DNAJC16: variants seen among roughly 807,000 people sequenced by gnomAD.
The protein encoded by DNAJC16 is DnaJ heat shock protein family (Hsp40) member C16.
In DNAJC16, 76 loss-of-function variants were observed where a neutral mutation model predicts 92.7. That is an observed-to-expected ratio of 0.82 (90% CI 0.68 to 0.99). The LOEUF is 0.99. DNAJC16 is among the 50% of genes least tolerant of loss of function. The pLI, the probability that DNAJC16 is intolerant of heterozygous loss-of-function variation, is 0.00. For synonymous variants in DNAJC16, 328 were observed against 358.7 expected, an observed-to-expected ratio of 0.91 and a Z score of 0.97; for missense variants, 869 against 942.4, an observed-to-expected ratio of 0.92 and a Z score of 1.02.
At chr1:15,548,713 TAAG>T (rs929417232) in intron 7 of DNAJC16, among the ~76,000 whole-genome samples, 6 of 152,114 alleles carry the variant, frequency 3.9e-5, no homozygotes, top group Non-Finnish European at 8.8e-5. Context: ...TAAAAAGGAA[TAAG>T]AAGAAGCCAC....
At chr1:15,538,559 A>C (rs1178479554) in intron 4 of DNAJC16, among the ~76,000 whole-genome samples, 4 of 151,764 alleles carry the variant, frequency 2.6e-5, no homozygotes, top group African/African-American at 9.7e-5. Context: ...CTCTAGTAAA[A>C]ATACAAAATT....
At chr1:15,541,316 T>C (rs1356116409) in intron 4 of DNAJC16, among the ~76,000 whole-genome samples, 2 of 152,230 alleles carry the variant, frequency 1.3e-5, no homozygotes, top group African/African-American at 4.8e-5. Context: ...CTTCCATTTA[T>C]TGACATTGTT....
chr1:15,562,232 C>T lies in DNAJC16; in HGVS notation c.1245C>T (p.Asp415=). 3.1e-6 allele frequency: 5 copies of T among 1,614,138 alleles called. No homozygotes were observed. The highest frequency in any genetic ancestry group is 4.2e-6 in the Non-Finnish European group (5 of 1,179,988). The part of the protein sequence containing the change: ...FLSFALANTQ[D]TVRFVHVYSN... Reference sequence around the variant, plus strand: ...CCTTTGCCCTGGCAAACACTCAAGACACAGTGAGATTTGTGCATGTCTACA... The same window carrying T: ...CCTTTGCCCTGGCAAACACTCAAGATACAGTGAGATTTGTGCATGTCTACA... Residue 415 remains aspartate (D), a synonymous_variant, in exon 9 of 15, where the codon GAC becomes GAT. Transcript: ENST00000375847.
At chr1:15,564,416 T>C (rs1011380786) in intron 11 of DNAJC16, 57 bp downstream of exon 11, 2 of 1,132,796 alleles carry the variant, frequency 1.8e-6, no homozygotes, top group Non-Finnish European at 2.7e-6. Context: ...TATCACTGTT[T>C]TTCTTTTGAA....
At chr1:15,560,903 G>A (rs572385959) in intron 8 of DNAJC16, among the ~76,000 whole-genome samples, 8 of 151,794 alleles carry the variant, frequency 5.3e-5, no homozygotes, top group Non-Finnish European at 7.4e-5. Flanking sequence ...ATGTCCACAC[G>A]TCAGCCAATA....
intron 3 of DNAJC16, 33 bp downstream of exon 3, chr1:15,534,336 G>A: frequency 6.2e-7 from 1 of 1,608,316 alleles, no homozygotes; most frequent in Non-Finnish European, 8.5e-7. Flanking sequence ...GCATCCATTA[G>A]CTCTTACAAA....
intron 7 of DNAJC16, among the ~76,000 whole-genome samples, chr1:15,556,392 A>G (rs978636215): frequency 6.6e-6 from 1 of 152,040 alleles, no homozygotes; most frequent in Non-Finnish European, 1.5e-5. Flanking sequence ...ATGCACCGCA[A>G]TGCCCCGCTA....
At chr1:15,551,410 C>T (rs746027057) in intron 7 of DNAJC16, among the ~76,000 whole-genome samples, 2 of 152,204 alleles carry the variant, frequency 1.3e-5, no homozygotes, top group South Asian at 2.1e-4. Flanking sequence ...TATTTAGACT[C>T]GGGAATTTGG....
At chr1:15,543,449 G>A (rs1710981941) in intron 4 of DNAJC16, among the ~76,000 whole-genome samples, 2 of 152,244 alleles carry the variant, frequency 1.3e-5, no homozygotes, top group African/African-American at 4.8e-5. Context: ...GGCGCAGGCT[G>A]TTGGAGGAGT....
rs1410418339 is a variant in DNAJC16 at position 15,569,072 on chromosome 1, A to G, written c.*895A>G. The G allele has an allele frequency of 1.1e-5, 2 of 182,500 alleles. No individual in the cohort carries two copies. The highest frequency in any genetic ancestry group is 1.4e-4 in the East Asian group (1 of 7,258). The allele number at this position is 182,500 out of a possible 1,614,324, so 11.3% of individuals were successfully genotyped here. A position where few individuals can be genotyped will look rare whatever the true frequency, so the allele number is the denominator to read the frequency against. On this transcript the variant is annotated 3_prime_UTR_variant, in exon 15 of 15. Transcript: ENST00000375847. Reference sequence around the variant, plus strand: ...TCTCTGAACGTAGAGATAAGCTGCTATAAAGCCAGTAGATGTTAAACTGAA... The same window carrying G: ...TCTCTGAACGTAGAGATAAGCTGCTGTAAAGCCAGTAGATGTTAAACTGAA...
chr1:15,554,569 T>G (rs759266196), intron 7 of DNAJC16, among the ~76,000 whole-genome samples: 1 of 152,244 alleles, frequency 6.6e-6, no homozygotes, highest in Non-Finnish European at 1.5e-5. Flanking sequence ...CTCCTCACTT[T>G]GTTTTTTAGA....
Position 15,567,190 on chromosome 1 carries a change from AATGTGGTCCTCAT to A in DNAJC16, c.1871_1883del (p.Asn624ThrfsTer32). On this transcript the variant is annotated frameshift_variant, in exon 14 of 15. Transcript: ENST00000375847. LOFTEE classifies it high-confidence loss of function. ...GGTACGTCTGAGGCCAGGCCACATG[AATGTGGTCCTCAT>A]CCTGTCGAATTCTACCAAGACCAGC... is the stretch of plus-strand genomic sequence containing the variant. The A allele has an allele frequency of 6.2e-7, 1 of 1,614,068 alleles. No individual in the cohort carries two copies. The highest frequency in any genetic ancestry group is 8.5e-7 in the Non-Finnish European group (1 of 1,179,916).
At position 15,566,047 on chromosome 1, in the gene DNAJC16, A is replaced by G. The variant is rs6429751; in HGVS notation, c.1680-35A>G. 217 of 1,612,552 alleles carry G rather than the reference A, an allele frequency of 1.3e-4. No homozygotes were observed. The African/African-American group carries it at 2.5e-3, about 18-fold the overall frequency. ...GTGCACCACCATGGTTGGTGTTGAC[A>G]CTTTTTTTGTAAAACTCCTTTTTTC... On this transcript the variant is annotated intron_variant, in intron 12 of 14. Transcript: ENST00000375847.
intron 4 of DNAJC16, among the ~76,000 whole-genome samples, chr1:15,539,741 A>T (rs919384550): frequency 6.6e-6 from 1 of 151,406 alleles, no homozygotes; most frequent in South Asian, 2.1e-4. Context: ...AAAATACCAC[A>T]AATTGGCCAG....
intron 6 of DNAJC16, among the ~76,000 whole-genome samples, chr1:15,547,444 CT>C (rs761443115): frequency 2.0e-3 from 267 of 135,678 alleles, no homozygotes; most frequent in Middle Eastern, 7.9e-3. Context: ...CTGTGATGGG[CT>C]TTTTTTTTTT....
At chr1:15,550,155 G>A (rs1228507426) in intron 7 of DNAJC16, among the ~76,000 whole-genome samples, 4 of 152,192 alleles carry the variant, frequency 2.6e-5, no homozygotes, top group Non-Finnish European at 5.9e-5. Flanking sequence ...TGATGGAGAC[G>A]AGAAGGTGCT....
rs1001423399 is a variant in DNAJC16 at position 15,567,005 on chromosome 1, T to C, written c.1779-94T>C. On this transcript the variant is annotated intron_variant, in intron 13 of 14. Coordinates refer to ENST00000375847, the MANE Select transcript of DNAJC16 (RefSeq NM_015291.4). The stretch of plus-strand genomic sequence containing the variant: ...TAGTGAATAACATACCTAGTCTGGT[T>C]AGAACATAGCATTTTCTTTCAGCTG... The C allele has an allele frequency of 2.4e-6, 3 of 1,226,288 alleles. No individual in the cohort carries two copies. The Admixed American group carries it at 5.8e-5, about 24-fold the overall frequency. 76.0% of individuals were successfully genotyped at this position (1,226,288 alleles called of 1,614,324 possible).
chr1:15,537,403 C>A (rs1243535678), intron 4 of DNAJC16, among the ~76,000 whole-genome samples: 1 of 152,152 alleles, frequency 6.6e-6, no homozygotes, highest in African/African-American at 2.4e-5. Flanking sequence ...AGCACCATCC[C>A]TGACCTTGAG....
intron 7 of DNAJC16, among the ~76,000 whole-genome samples, chr1:15,555,043 T>TG (rs912123907): frequency 3.7e-5 from 5 of 134,736 alleles, no homozygotes; most frequent in African/African-American, 1.3e-4. Flanking sequence ...CTTTTTTTTT[T>TG]TTTGTTTGAT....
Sources: gnomAD v4.1 joint callset for allele counts (sites outside exome capture counted in the v4.1 genomes callset) on GRCh38, gnomAD v4.1.1 for gene constraint, MANE v1.5 for transcripts, NCBI Gene and HGNC (gene_info 2026-07-23, HGNC 2026-07-21) for gene names.